The following CDH4 variants were observed in gnomAD, a reference collection of about 807,000 sequenced individuals.
CDH4 encodes cadherin-4.
A neutral mutation model predicts 86.0 loss-of-function variants in CDH4; 33 were observed. The observed-to-expected ratio is 0.38, with a 90% CI of 0.29 to 0.51. CDH4 has a LOEUF of 0.51. CDH4 is among the 20% of genes least tolerant of loss of function. The probability of loss-of-function intolerance (pLI) is 0.86; values close to 1 mark genes in which losing one functional copy is unlikely to be tolerated. For synonymous variants in CDH4, 555 were observed against 549.4 expected (o/e 1.01, Z -0.14); for missense variants, 1,114 against 1,307.4 (o/e 0.85, Z 2.28).
intron 2 of CDH4, among the ~76,000 whole-genome samples, chr20:61,487,933 G>A (rs1357686099): frequency 1.3e-5 from 2 of 152,236 alleles, no homozygotes; most frequent in Non-Finnish European, 2.9e-5. Context: ...CCTAATAGGA[G>A]CATCTAAGCA....
At chr20:61,455,782 T>A (rs1343829542) in intron 2 of CDH4, among the ~76,000 whole-genome samples, 2 of 152,168 alleles carry the variant, frequency 1.3e-5, no homozygotes, top group East Asian at 3.9e-4. Context: ...TGTGCTTGAC[T>A]CTGAGATCCT....
At chr20:61,699,353 C>G (rs995430486) in intron 2 of CDH4, among the ~76,000 whole-genome samples, 1 of 152,206 alleles carries the variant, frequency 6.6e-6, no homozygotes, top group Admixed American at 6.5e-5. Context: ...CAAGCCCCCC[C>G]AGTGCAGGGC....
rs2054738892 is a variant in CDH4 at position 61,902,619 on chromosome 20, A to C, written c.1188+7572A>C. On this transcript the variant is annotated intron_variant, in intron 8 of 15. Transcript: ENST00000614565. The surrounding 1 kb of genome is among the most constrained non-coding windows in gnomAD (Gnocchi z 4.6). The stretch of plus-strand genomic sequence containing the variant: ...AACTCCGAAACTCCGCCATTGTAGG[A>C]CAAAAACAACCACAGACAAAACAGA... 6.6e-6 allele frequency among the ~76,000 whole-genome samples: 1 copy of C among 152,238 alleles called. No homozygotes were observed. The highest frequency in any genetic ancestry group is 1.9e-4 in the East Asian group (1 of 5,200).
intron 2 of CDH4, among the ~76,000 whole-genome samples, chr20:61,434,106 T>C (rs1334487043): frequency 1.1e-4 from 16 of 152,094 alleles, no homozygotes; most frequent in Admixed American, 9.8e-4. Flanking sequence ...ATGATACATA[T>C]TATTTGGTTA....
chr20:61,840,909 C>A (rs978911142), intron 4 of CDH4, among the ~76,000 whole-genome samples: 1 of 152,244 alleles, frequency 6.6e-6, no homozygotes, highest in African/African-American at 2.4e-5. Context: ...GGAGAATAAG[C>A]AAATGCGGCC....
At chr20:61,329,194 G>T (rs1339674422) in intron 2 of CDH4, among the ~76,000 whole-genome samples, 1 of 151,758 alleles carries the variant, frequency 6.6e-6, no homozygotes, top group African/African-American at 2.4e-5. Flanking sequence ...TTGTAGTTCA[G>T]CTGTCATTTA....
chr20:61,325,687 G>T (rs1490588155), intron 2 of CDH4, among the ~76,000 whole-genome samples: 1 of 152,024 alleles, frequency 6.6e-6, no homozygotes, highest in Admixed American at 6.6e-5. Context: ...CCGACAGGAA[G>T]GGTTGAAAAT....
intron 5 of CDH4, among the ~76,000 whole-genome samples, chr20:61,846,908 G>A (rs568396336): frequency 3.3e-5 from 5 of 152,292 alleles, no homozygotes; most frequent in East Asian, 3.9e-4. Context: ...GTGTGGCATC[G>A]CAGATGCAGC....
chr20:61,387,931 C>T (rs2084961380), intron 2 of CDH4, among the ~76,000 whole-genome samples: 1 of 151,958 alleles, frequency 6.6e-6, no homozygotes, highest in Non-Finnish European at 1.5e-5. Flanking sequence ...CTTTCTAATG[C>T]AGTTTCATCA....
In CDH4 at chr20:61,757,327, C is replaced by T. The variant is rs73312906; in HGVS notation, c.396+13538C>T. Among the ~76,000 whole-genome samples the T allele has an allele frequency of 5.7e-3, 874 of 152,292 alleles. 10 individuals carry two copies. The highest frequency in any genetic ancestry group is 0.02 in the African/African-American group (826 of 41,554). On this transcript the variant is annotated intron_variant, in intron 3 of 15. Coordinates refer to ENST00000614565, the MANE Select transcript of CDH4 (RefSeq NM_001794.5). ...GGCCGTCCAATGCACCCCAAAGGAA[C>T]GGCAGCTTGTAACTCTTCATGGGTG...
chr20:61,617,425 C>T (rs962127912), intron 2 of CDH4, among the ~76,000 whole-genome samples: 3 of 152,222 alleles, frequency 2.0e-5, no homozygotes, highest in Non-Finnish European at 4.4e-5. Flanking sequence ...ATTGTAGCTG[C>T]AGACAGCCAT....
chr20:61,569,430 A>G (rs774378230), intron 2 of CDH4, among the ~76,000 whole-genome samples: 8 of 152,126 alleles, frequency 5.3e-5, no homozygotes, highest in Non-Finnish European at 8.8e-5. Context: ...TTCTATACAC[A>G]ATGTCTGCTC....
At chr20:61,678,482 G>GA in intron 2 of CDH4, among the ~76,000 whole-genome samples, 1 of 152,336 alleles carries the variant, frequency 6.6e-6, no homozygotes, top group Non-Finnish European at 1.5e-5. Context: ...TTAATAATGC[G>GA]AAAGTGTGGT....
intron 2 of CDH4, among the ~76,000 whole-genome samples, chr20:61,439,031 T>A (rs903590718): frequency 6.6e-6 from 1 of 152,146 alleles, no homozygotes; most frequent in Non-Finnish European, 1.5e-5. Flanking sequence ...CTTTCATTTT[T>A]CCCCCCAAGC....
intron 2 of CDH4, among the ~76,000 whole-genome samples, chr20:61,461,596 G>C (rs775683683): frequency 2.0e-5 from 3 of 152,156 alleles, no homozygotes; most frequent in Admixed American, 1.3e-4. Context: ...CGGGACCCAC[G>C]TGGGAGTGGG....
At chr20:61,291,349 T>C (rs1233060069) in intron 2 of CDH4, among the ~76,000 whole-genome samples, 1 of 152,226 alleles carries the variant, frequency 6.6e-6, no homozygotes, top group Non-Finnish European at 1.5e-5. Flanking sequence ...GGCACAGCCA[T>C]GTGAAGACTT....
intron 2 of CDH4, among the ~76,000 whole-genome samples, chr20:61,559,608 T>A: frequency 7.2e-6 from 1 of 139,068 alleles, no homozygotes; most frequent in Non-Finnish European, 1.5e-5. Flanking sequence ...CACTGCAGCC[T>A]CCCAGGTTCA....
At chr20:61,665,645 G>T (rs12480125) in intron 2 of CDH4, among the ~76,000 whole-genome samples, 1 of 152,264 alleles carries the variant, frequency 6.6e-6, no homozygotes, top group African/African-American at 2.4e-5. Context: ...TGATGGATGC[G>T]AACGAGTGCT....
chr20:61,737,581 G>A (rs1026493305), intron 2 of CDH4, among the ~76,000 whole-genome samples: 8 of 152,184 alleles, frequency 5.3e-5, no homozygotes, highest in African/African-American at 7.2e-5. Context: ...TGCGGTTCCC[G>A]GCAGACCCCG....
Sources: gnomAD v4.1 joint callset for allele counts (sites outside exome capture counted in the v4.1 genomes callset) on GRCh38, gnomAD v4.1.1 for gene constraint, Gnocchi (gnomAD v3.1) non-coding constraint, MANE v1.5 for transcripts, NCBI Gene and HGNC (gene_info 2026-07-23, HGNC 2026-07-21) for gene names.